The following KCNA6 variants were observed in gnomAD, a reference collection of about 807,000 sequenced individuals.
KCNA6 encodes the protein potassium voltage-gated channel subfamily A member 6.
Under a neutral mutation model 29.5 loss-of-function variants are expected in KCNA6, and 17 were observed. That is an observed-to-expected ratio of 0.58 (90% confidence interval 0.39 to 0.86). The LOEUF is 0.86. KCNA6 is among the 40% of genes least tolerant of loss of function. The pLI, the probability that KCNA6 is intolerant of heterozygous loss-of-function variation, is 0.00. For synonymous variants in KCNA6, 296 were observed against 304.7 expected (o/e 0.97, Z 0.30); for missense variants, 450 against 703.4 (o/e 0.64, Z 4.07).
chr12:4,842,160 A>G, the KCNA6 span, among the ~76,000 whole-genome samples: 1 of 152,090 alleles, frequency 6.6e-6, no homozygotes, highest in Admixed American at 6.6e-5. Context: ...GATACCCACA[A>G]AACTGCTATG....
the KCNA6 span, among the ~76,000 whole-genome samples, chr12:4,834,536 C>T: frequency 3.3e-5 from 5 of 152,174 alleles, no homozygotes; most frequent in South Asian, 2.1e-4. Flanking sequence ...ATGGTAGAAG[C>T]GGGGGCTTGG....
the KCNA6 span, among the ~76,000 whole-genome samples, chr12:4,821,852 T>A: frequency 1.3e-5 from 2 of 152,172 alleles, no homozygotes; most frequent in Non-Finnish European, 2.9e-5. Context: ...TTTCTTTTTT[T>A]TTAGATGGAG....
rs1472666138 is a variant in KCNA6, at chr12:4,809,734, C to G, written c.-308C>G. The G allele has an allele frequency of 1.6e-5, 5 of 311,378 alleles. No individual in the cohort carries two copies. In the East Asian group the frequency reaches 2.2e-4, roughly 13 times the overall value. The allele number at this position is 311,378 out of a possible 1,614,324, so 19.3% of individuals were successfully genotyped here. ...CTGGGGGCGAAGCCACGCGTCTTTTCGGGCAGCCAATTTCACACGCGCCTG... is the reference window on the plus strand; with the variant it reads ...CTGGGGGCGAAGCCACGCGTCTTTTGGGGCAGCCAATTTCACACGCGCCTG... On this transcript the variant is annotated 5_prime_UTR_variant, in exon 1 of 1. Coordinates refer to ENST00000280684, the Ensembl canonical transcript of KCNA6.
the KCNA6 span, among the ~76,000 whole-genome samples, chr12:4,843,337 C>T: frequency 2.0e-5 from 3 of 151,948 alleles, no homozygotes; most frequent in East Asian, 1.9e-4. Flanking sequence ...CCCGCCACCA[C>T]GCCCGGCTAA....
At chr12:4,818,463 T>C in the KCNA6 span, among the ~76,000 whole-genome samples, 2 of 152,228 alleles carry the variant, frequency 1.3e-5, no homozygotes, top group East Asian at 3.8e-4. Flanking sequence ...AGTACCAATC[T>C]GATAGGGTTG....
the KCNA6 span, among the ~76,000 whole-genome samples, chr12:4,821,734 T>C: frequency 6.6e-6 from 1 of 152,210 alleles, no homozygotes; most frequent in Admixed American, 6.5e-5. Flanking sequence ...CCACCCACCA[T>C]CAGCAAAAGC....
chr12:4,818,020 C>T (rs142799313), downstream of KCNA6, among the ~76,000 whole-genome samples: 132 of 152,266 alleles, frequency 8.7e-4, no homozygotes, highest in African/African-American at 3.0e-3. Context: ...GCTTGACAAC[C>T]GCTGTCTCCA....
At chr12:4,843,030 G>A in the KCNA6 span, among the ~76,000 whole-genome samples, 62 of 152,270 alleles carry the variant, frequency 4.1e-4, no homozygotes, top group African/African-American at 1.4e-3. Context: ...TCAATTGGAG[G>A]TGGTGGGATA....
At chr12:4,812,216 A>G (rs1269936611) in exon 1 of KCNA6, 1 of 168,324 alleles carries the variant, frequency 5.9e-6, no homozygotes, top group Non-Finnish European at 1.4e-5. Flanking sequence ...CTAAACTTGG[A>G]TGGAATTAGA....
At chr12:4,827,492 C>A in the KCNA6 span, among the ~76,000 whole-genome samples, 1 of 152,146 alleles carries the variant, frequency 6.6e-6, no homozygotes, top group African/African-American at 2.4e-5. Context: ...GGATGCGAAC[C>A]AGTATTCCCT....
In KCNA6 at chr12:4,810,759, C is replaced by T; in HGVS notation, c.718C>T (p.Pro240Ser). Residue 240 changes from proline (P) to serine (S), a missense_variant, in exon 1 of 1, where the codon CCT becomes TCT. Transcript: ENST00000280684. The surrounding 1 kb of genome is among the most constrained non-coding windows in gnomAD (Gnocchi z 7.5). ...CTACACATTTCATCATGGCATCACCCCTGGGGAAATGGGGACCGGGGGCTC... is the reference window on the plus strand; with the variant it reads ...CTACACATTTCATCATGGCATCACCTCTGGGGAAATGGGGACCGGGGGCTC... 2 of 1,603,222 alleles carry T rather than the reference C, an allele frequency of 1.2e-6. No individual in the cohort carries two copies. The highest frequency in any genetic ancestry group is 1.7e-4 in the Middle Eastern group (1 of 5,996).
the KCNA6 span, among the ~76,000 whole-genome samples, chr12:4,831,201 C>T: frequency 6.6e-6 from 1 of 152,202 alleles, no homozygotes. Flanking sequence ...TTTCTCAAAA[C>T]AGAGGGAGCC....
the KCNA6 span, among the ~76,000 whole-genome samples, chr12:4,831,344 G>A: frequency 6.6e-5 from 10 of 151,900 alleles, no homozygotes; most frequent in Non-Finnish European, 1.5e-5. Context: ...ACAATAACTC[G>A]TTATCACCCA....
chr12:4,843,962 A>T, the KCNA6 span, among the ~76,000 whole-genome samples: 10 of 152,180 alleles, frequency 6.6e-5, no homozygotes, highest in Non-Finnish European at 1.3e-4. Context: ...TATCAATAGT[A>T]TAAGGCTTCC....
Position 4,810,450 on chromosome 12 carries a change from G to A in KCNA6, c.409G>A (p.Asp137Asn), listed in dbSNP as rs747499426. The A allele has an allele frequency of 3.1e-6, 5 of 1,613,966 alleles. No homozygotes were observed. Among genetic ancestry groups the A allele is most frequent in the Non-Finnish European group, 3.4e-6 (4 of 1,180,002 alleles). Residue 137 changes from aspartate to asparagine, a missense_variant, in exon 1 of 1, where the codon GAC becomes AAC. By Grantham distance (23) the Asp-to-Asn change is conservative (BLOSUM62 1). Coordinates refer to ENST00000280684, the Ensembl canonical transcript of KCNA6. This position sits in a 1 kb window ranked among gnomAD's most constrained non-coding sequence, Gnocchi z 7.5. ...CGAGGCCCTGGCGGCCTTCCGGGAG[G>A]ACGAGGGCTGCCTGCCCGAAGGTGG...
At position 4,810,230 on chromosome 12, in the gene KCNA6, G is replaced by C. The variant is rs1333079827; in HGVS notation, c.189G>C (p.Pro63=). ...AATTGCGCACCCTGTCGCTGTTTCC[G>C]GACACGCTGCTCGGAGACCCTGGCC... The change falls in exon 1 of 1, where the codon CCG becomes CCC. Residue 63 remains proline, a synonymous_variant. Coordinates refer to ENST00000280684, the Ensembl canonical transcript of KCNA6. The surrounding 1 kb of genome is among the most constrained non-coding windows in gnomAD (Gnocchi z 7.5). The C allele has an allele frequency of 1.2e-6, 2 of 1,613,710 alleles. No homozygotes were observed. The highest frequency in any genetic ancestry group is 1.3e-5 in the African/African-American group (1 of 74,910).
the KCNA6 span, among the ~76,000 whole-genome samples, chr12:4,833,535 T>C: frequency 6.6e-6 from 1 of 152,202 alleles, no homozygotes; most frequent in Non-Finnish European, 1.5e-5. Context: ...TGGGAGGAGC[T>C]TCAAGGTCAC....
chr12:4,839,567 C>T, the KCNA6 span, among the ~76,000 whole-genome samples: 18 of 152,252 alleles, frequency 1.2e-4, no homozygotes, highest in South Asian at 6.2e-4. Flanking sequence ...AATTTTCAAC[C>T]GCTCAGGGGT....
the KCNA6 span, among the ~76,000 whole-genome samples, chr12:4,821,554 T>G: frequency 6.6e-6 from 1 of 152,186 alleles, no homozygotes. Flanking sequence ...GCACCTTCCC[T>G]AAAACTGGGC....
Sources: gnomAD v4.1 joint callset for allele counts (sites outside exome capture counted in the v4.1 genomes callset) on GRCh38, gnomAD v4.1.1 for gene constraint, Gnocchi (gnomAD v3.1) non-coding constraint, MANE v1.5 for transcripts, NCBI Gene and HGNC (gene_info 2026-07-23, HGNC 2026-07-21) for gene names.